The following CHD9 variants were observed in gnomAD, a reference collection of about 807,000 sequenced individuals.
CHD9 encodes chromodomain helicase DNA binding protein 9, also known as ATP-dependent chromatin remodeler CHD9.
CHD9 carries 77 observed loss-of-function variants against 316.1 expected under a neutral mutation model. The ratio of observed to expected loss-of-function variants is 0.24; its 90% CI spans 0.20 to 0.29. The LOEUF (loss-of-function observed/expected upper bound fraction) is 0.29. Ranked by LOEUF, CHD9 falls within the 10% of genes least tolerant of loss-of-function variation. The probability of loss-of-function intolerance (pLI) is 1.00; values close to 1 mark genes in which losing one functional copy is unlikely to be tolerated. For synonymous variants in CHD9, 1,129 were observed against 1,158.3 expected, an observed-to-expected ratio of 0.97 and a Z score of 0.51; for missense variants, 2,763 against 3,438.1, an observed-to-expected ratio of 0.80 and a Z score of 4.91.
At chr16:53,187,447 C>T (rs974389194) in intron 2 of CHD9, among the ~76,000 whole-genome samples, 3 of 152,002 alleles carry the variant, frequency 2.0e-5, no homozygotes, top group Admixed American at 6.5e-5. Flanking sequence ...TCAAAGTTAC[C>T]GTGAGCTATG....
chr16:53,222,227 C>T (rs1050501277), intron 3 of CHD9, among the ~76,000 whole-genome samples: 1 of 152,064 alleles, frequency 6.6e-6, no homozygotes, highest in Non-Finnish European at 1.5e-5. Context: ...CAGATGCCTG[C>T]CACCACGCCT....
chr16:53,132,976 T>C (rs922479219), intron 1 of CHD9, among the ~76,000 whole-genome samples: 12 of 151,688 alleles, frequency 7.9e-5, no homozygotes, highest in African/African-American at 2.9e-4. Context: ...GCCCGGCCGT[T>C]TCTTCTATTG....
At chr16:53,109,757 T>C (rs1266375924) in intron 1 of CHD9, among the ~76,000 whole-genome samples, 1 of 136,998 alleles carries the variant, frequency 7.3e-6, no homozygotes, top group African/African-American at 2.7e-5. Flanking sequence ...TGATCTCGGC[T>C]CACTGCAAGC....
At chr16:53,306,090 C>T (rs2055941910) in intron 31 of CHD9, 147 bp from the exon 32 acceptor site, 3 of 469,364 alleles carry the variant, frequency 6.4e-6, no homozygotes, top group Non-Finnish European at 1.1e-5. Context: ...TTTTTATATT[C>T]TAGGTGATTT....
At chr16:53,272,990 G>A (rs767819770) in intron 22 of CHD9, among the ~76,000 whole-genome samples, 4 of 152,132 alleles carry the variant, frequency 2.6e-5, no homozygotes, top group Non-Finnish European at 4.4e-5. Context: ...TCAGGAGGCT[G>A]AGGGAGGAGA....
chr16:53,142,026 A>G (rs369969008), intron 1 of CHD9, among the ~76,000 whole-genome samples: 2 of 152,324 alleles, frequency 1.3e-5, no homozygotes, highest in South Asian at 4.1e-4. Flanking sequence ...GGAAAGGAAT[A>G]AAATAGGAAG....
At chr16:53,309,927 A>G (rs979198457) in intron 34 of CHD9, among the ~76,000 whole-genome samples, 5 of 152,226 alleles carry the variant, frequency 3.3e-5, no homozygotes, top group African/African-American at 1.2e-4. Context: ...CTAAAGTACT[A>G]GTTGTCAATT....
At chr16:53,264,077 A>G (rs1397821068) in intron 20 of CHD9, among the ~76,000 whole-genome samples, 2 of 152,088 alleles carry the variant, frequency 1.3e-5, no homozygotes, top group Non-Finnish European at 2.9e-5. Context: ...ATACCTAAAG[A>G]AAGCTGTGTT....
At chr16:53,139,366 T>C (rs895842879) in intron 1 of CHD9, among the ~76,000 whole-genome samples, 5 of 152,196 alleles carry the variant, frequency 3.3e-5, no homozygotes, top group African/African-American at 7.2e-5. Context: ...ATTAACCTTG[T>C]ATTAATAAGG....
At chr16:53,263,195 C>A in intron 20 of CHD9, 98 bp downstream of exon 20, 1 of 806,634 alleles carries the variant, frequency 1.2e-6, no homozygotes, top group Non-Finnish European at 1.9e-6. Context: ...GTTACTAAAA[C>A]AAATTTCTAG....
At position 53,249,926 on chromosome 16, in the gene CHD9, A is replaced by G; in HGVS notation, c.3721A>G (p.Ile1241Val). The change falls in exon 17 of 39, where the codon ATA becomes GTA. Residue 1241 changes from isoleucine (I) to valine (V), a missense_variant. Physicochemically the swap from Ile to Val is conservative, Grantham distance 29. Coordinates refer to ENST00000447540, the MANE Select transcript of CHD9 (RefSeq NM_001308319.2). ...CAGAGGAAATCTTCGGCAAGCTGCT[A>G]TAGATAGATTTAGTAAACCTGATTC... ...RVRGNLRQAA[I>V]DRFSKPDSDR... 1.9e-6 allele frequency: 3 copies of G among 1,613,834 alleles called. No individual in the cohort carries two copies. The highest frequency in any genetic ancestry group is 1.1e-5 in the South Asian group (1 of 91,080).
intron 2 of CHD9, among the ~76,000 whole-genome samples, chr16:53,171,851 C>CACACACAG (rs2042761800): frequency 1.5e-4 from 11 of 73,492 alleles, no homozygotes; most frequent in African/African-American, 5.9e-4. Flanking sequence ...CACACACACA[C>CACACACAG]ACACACACAG....
chr16:53,324,987 C>T lies in CHD9; in HGVS notation c.*92C>T. ...ACCCCAGTGTTGAGTGCATCAATAA[C>T]TTACTGACCGAACATTTCAGTTATT... is the stretch of plus-strand genomic sequence containing the variant. On this transcript the variant is annotated 3_prime_UTR_variant, in exon 39 of 39. Coordinates refer to ENST00000447540, the MANE Select transcript of CHD9 (RefSeq NM_001308319.2). The T allele has an allele frequency of 1.2e-5, 13 of 1,053,806 alleles. No homozygotes were observed. Among genetic ancestry groups the T allele is most frequent in the African/African-American group, 1.6e-5 (1 of 62,284 alleles). The allele number at this position is 1,053,806 out of a possible 1,614,324, so 65.3% of individuals were successfully genotyped here.
chr16:53,262,644 C>T (rs989983404), intron 19 of CHD9, among the ~76,000 whole-genome samples: 2 of 152,044 alleles, frequency 1.3e-5, no homozygotes, highest in East Asian at 3.8e-4. Context: ...TTTGGAAATT[C>T]TTGTTCTCTA....
intron 2 of CHD9, among the ~76,000 whole-genome samples, chr16:53,196,788 G>C (rs2044960918): frequency 6.6e-6 from 1 of 152,112 alleles, no homozygotes; most frequent in South Asian, 2.1e-4. Context: ...AAATTGTAGG[G>C]CAATTTTAGA....
chr16:53,171,861 GACACACACAC>G lies in CHD9; in HGVS notation c.1452+14352_1452+14361del, dbSNP rs750572537. 2.2e-3 allele frequency among the ~76,000 whole-genome samples: 279 copies of G among 124,942 alleles called. 2 individuals are homozygous for G. Among genetic ancestry groups the G allele is most frequent in the South Asian group, 0.01 (40 of 3,894 alleles). The allele number at this position is 124,942 out of a possible 152,430, so 82.0% of individuals were successfully genotyped here. On this transcript the variant is annotated intron_variant, in intron 2 of 38. Transcript: ENST00000447540. ...ACACACACACACACACACACACACAGACACACACACACACACACACACACACACACACACA... is the reference window on the plus strand; with the variant it reads ...ACACACACACACACACACACACACAGACACACACACACACACACACACACA...
intron 3 of CHD9, among the ~76,000 whole-genome samples, chr16:53,214,583 T>C (rs1452378245): frequency 6.6e-6 from 1 of 152,194 alleles, no homozygotes; most frequent in Non-Finnish European, 1.5e-5. Context: ...ATTTTACTGC[T>C]TGCATGTAAA....
chr16:53,203,972 C>A (rs972864719), intron 2 of CHD9, among the ~76,000 whole-genome samples: 1 of 135,624 alleles, frequency 7.4e-6, no homozygotes, highest in South Asian at 2.3e-4. Flanking sequence ...TGCAGTGAGC[C>A]GAGATCACAC....
At position 53,231,643 on chromosome 16, in the gene CHD9, A is replaced by C. The variant is rs1374158810; in HGVS notation, c.2374-4A>C. Reference sequence around the variant, plus strand: ...AAATGGTAAATGAAAAAATTTTTTTACAGCCTGTTATTTACTACTTAGTAA... The same window carrying C: ...AAATGGTAAATGAAAAAATTTTTTTCCAGCCTGTTATTTACTACTTAGTAA... On this transcript the variant is annotated splice_region_variant and splice_polypyrimidine_tract_variant and intron_variant, in intron 9 of 38. Coordinates refer to ENST00000447540, the MANE Select transcript of CHD9 (RefSeq NM_001308319.2). The C allele has an allele frequency of 1.3e-6, 2 of 1,563,394 alleles. No individual in the cohort carries two copies. Among genetic ancestry groups the C allele is most frequent in the Non-Finnish European group, 1.7e-6 (2 of 1,156,540 alleles).
Sources: allele counts gnomAD v4.1 joint callset (sites outside exome capture counted in the v4.1 genomes callset), GRCh38; gene constraint gnomAD v4.1.1; transcripts MANE v1.5; gene names NCBI Gene and HGNC (gene_info 2026-07-23, HGNC 2026-07-21).